The following HSD17B12 variants were observed in gnomAD, a reference collection of about 807,000 sequenced individuals.
HSD17B12 encodes very-long-chain 3-oxoacyl-CoA reductase.
A neutral mutation model predicts 39.3 loss-of-function variants in HSD17B12; 32 were observed. The ratio of observed to expected loss-of-function variants is 0.81; its 90% CI spans 0.61 to 1.09. The LOEUF (loss-of-function observed/expected upper bound fraction) is 1.09, where lower values mean the gene tolerates loss of function less well. HSD17B12 is among the 50% of genes least tolerant of loss of function. The pLI is 0.00. For synonymous variants in HSD17B12, 150 were observed against 146.7 expected, an observed-to-expected ratio of 1.02 and a Z score of -0.16; for missense variants, 342 against 382.9, an observed-to-expected ratio of 0.89 and a Z score of 0.89.
At chr11:43,704,503 AC>A (rs1949996098) in intron 1 of HSD17B12, among the ~76,000 whole-genome samples, 1 of 152,220 alleles carries the variant, frequency 6.6e-6, no homozygotes, top group African/African-American at 2.4e-5. Flanking sequence ...GGTGACTGCA[AC>A]ACTTGGGGAA....
At chr11:43,781,605 T>C (rs1463823214) in intron 3 of HSD17B12, among the ~76,000 whole-genome samples, 1 of 152,198 alleles carries the variant, frequency 6.6e-6, no homozygotes, top group Non-Finnish European at 1.5e-5. Flanking sequence ...ATGGACCTTC[T>C]TGTGAATTCA....
chr11:43,803,178 T>G (rs1287185218), intron 4 of HSD17B12, among the ~76,000 whole-genome samples: 1 of 152,212 alleles, frequency 6.6e-6, no homozygotes, highest in Non-Finnish European at 1.5e-5. Flanking sequence ...TCAACTCCAT[T>G]CTTATGGTTC....
chr11:43,652,865 T>C, the HSD17B12 span, among the ~76,000 whole-genome samples: 1 of 152,008 alleles, frequency 6.6e-6, no homozygotes, highest in South Asian at 2.1e-4. Flanking sequence ...TGTGGAAATA[T>C]GAATGGATAA....
intron 1 of HSD17B12, among the ~76,000 whole-genome samples, chr11:43,689,089 TTGC>T (rs1949829194): frequency 6.6e-6 from 1 of 152,218 alleles, no homozygotes; most frequent in Non-Finnish European, 1.5e-5. Context: ...GAAGAATTCC[TTGC>T]TTGGGTAAAA....
At chr11:43,688,964 T>C (rs1168919437) in intron 1 of HSD17B12, among the ~76,000 whole-genome samples, 5 of 152,182 alleles carry the variant, frequency 3.3e-5, no homozygotes, top group Non-Finnish European at 7.3e-5. Flanking sequence ...ATTACTCTTA[T>C]TGGATGAAAA....
At chr11:43,774,781 T>C (rs1291315142) in intron 3 of HSD17B12, among the ~76,000 whole-genome samples, 1 of 152,180 alleles carries the variant, frequency 6.6e-6, no homozygotes, top group African/African-American at 2.4e-5. Context: ...TAGGTGGAAT[T>C]CTAAGATGTT....
chr11:43,801,244 G>A (rs1400586708), intron 4 of HSD17B12, among the ~76,000 whole-genome samples: 1 of 152,288 alleles, frequency 6.6e-6, no homozygotes, highest in South Asian at 2.1e-4. Flanking sequence ...AGTGTTTTGA[G>A]TAGGGAAGGA....
intron 3 of HSD17B12, among the ~76,000 whole-genome samples, chr11:43,774,628 A>C (rs1488711254): frequency 6.6e-6 from 1 of 152,204 alleles, no homozygotes; most frequent in Non-Finnish European, 1.5e-5. Flanking sequence ...TTTCTATAAC[A>C]ATTAAATGTG....
the HSD17B12 span, among the ~76,000 whole-genome samples, chr11:43,566,083 G>C: frequency 2.0e-5 from 3 of 152,270 alleles, no homozygotes; most frequent in East Asian, 5.8e-4. Context: ...TTTGACTTTG[G>C]ACAAATTATT....
chr11:43,745,672 C>T (rs773698219), intron 1 of HSD17B12, among the ~76,000 whole-genome samples: 1 of 152,092 alleles, frequency 6.6e-6, no homozygotes, highest in Non-Finnish European at 1.5e-5. Flanking sequence ...GCAGTTGTAA[C>T]ACAGTGGTAT....
At chr11:43,614,810 A>C in the HSD17B12 span, among the ~76,000 whole-genome samples, 4 of 151,968 alleles carry the variant, frequency 2.6e-5, no homozygotes, top group South Asian at 6.2e-4. Context: ...TTTTTATTTC[A>C]TCCTGTTTAT....
chr11:43,721,611 T>C (rs573276584), intron 1 of HSD17B12, among the ~76,000 whole-genome samples: 14 of 151,780 alleles, frequency 9.2e-5, no homozygotes, highest in Non-Finnish European at 1.9e-4. Context: ...AGAGCGAGAC[T>C]CCATCTCAAA....
chr11:43,678,083 C>G (rs1207691882), upstream of HSD17B12, among the ~76,000 whole-genome samples: 1 of 152,222 alleles, frequency 6.6e-6, no homozygotes, highest in Non-Finnish European at 1.5e-5. Flanking sequence ...TCCACATCCT[C>G]TCCAGAACCT....
the HSD17B12 span, among the ~76,000 whole-genome samples, chr11:43,604,152 A>G: frequency 6.6e-6 from 1 of 152,184 alleles, no homozygotes. Flanking sequence ...TATGCACTGT[A>G]CCTGAACAAA....
At chr11:43,817,501 TC>T (rs1951141596) in intron 6 of HSD17B12, among the ~76,000 whole-genome samples, 1 of 152,232 alleles carries the variant, frequency 6.6e-6, no homozygotes, top group African/African-American at 2.4e-5. Context: ...AAGTCCTTGA[TC>T]CATCTTGAGT....
the HSD17B12 span, among the ~76,000 whole-genome samples, chr11:43,567,255 A>T: frequency 6.6e-6 from 1 of 152,156 alleles, no homozygotes; most frequent in Non-Finnish European, 1.5e-5. Context: ...CACATTCAAA[A>T]TCCAAGGGCC....
intron 1 of HSD17B12, among the ~76,000 whole-genome samples, chr11:43,708,277 C>T (rs1950033449): frequency 6.6e-6 from 1 of 152,054 alleles, no homozygotes; most frequent in Admixed American, 6.5e-5. Flanking sequence ...CAGTTTTATT[C>T]TAATGCAATT....
intron 6 of HSD17B12, among the ~76,000 whole-genome samples, chr11:43,827,476 G>A (rs973320243): frequency 1.3e-5 from 2 of 152,100 alleles, no homozygotes; most frequent in East Asian, 1.9e-4. Context: ...GATTACTGAC[G>A]CTACAGGAGT....
At chr11:43,781,174 A>G (rs1950761980) in intron 3 of HSD17B12, among the ~76,000 whole-genome samples, 1 of 152,134 alleles carries the variant, frequency 6.6e-6, no homozygotes, top group African/African-American at 2.4e-5. Flanking sequence ...TGTTGCTCTT[A>G]ACTTTCCATG....
Sources: allele counts gnomAD v4.1 joint callset (sites outside exome capture counted in the v4.1 genomes callset), GRCh38; gene constraint gnomAD v4.1.1; transcripts MANE v1.5; gene names NCBI Gene and HGNC (gene_info 2026-07-23, HGNC 2026-07-21).